Variants in ZNF83 observed in about 807,000 individuals in gnomAD.
ZNF83 encodes the protein zinc finger protein 816B.
For synonymous variants in ZNF83, 209 were observed against 213.0 expected (o/e 0.98, Z 0.17); for missense variants, 552 against 629.9 (o/e 0.88, Z 1.32).
intron 2 of ZNF83, among the ~76,000 whole-genome samples, chr19:52,627,544 C>A (rs1324527231): frequency 6.6e-6 from 1 of 152,094 alleles, no homozygotes; most frequent in Non-Finnish European, 1.5e-5. Context: ...CACCTGTAAT[C>A]CCAGCTACTG....
chr19:52,641,974 ATTCT>A (rs1355798153), upstream of ZNF83, among the ~76,000 whole-genome samples: 1 of 152,216 alleles, frequency 6.6e-6, no homozygotes, highest in East Asian at 1.9e-4. Flanking sequence ...AAATTATCAC[ATTCT>A]TTGAGTGACT....
intron 2 of ZNF83, among the ~76,000 whole-genome samples, chr19:52,627,556 G>A (rs2060790364): frequency 6.6e-6 from 1 of 152,102 alleles, no homozygotes; most frequent in African/African-American, 2.4e-5. Flanking sequence ...CAGCTACTGA[G>A]GCAGGAGAAT....
At chr19:52,625,759 A>C (rs1035523654) in intron 2 of ZNF83, among the ~76,000 whole-genome samples, 1 of 152,084 alleles carries the variant, frequency 6.6e-6, no homozygotes, top group Non-Finnish European at 1.5e-5. Flanking sequence ...CAGCCCCATA[A>C]ATAACAGTGA....
At chr19:52,639,051 C>T (rs1417166190), upstream of ZNF83, among the ~76,000 whole-genome samples, 1 of 152,160 alleles carries the variant, frequency 6.6e-6, no homozygotes, top group Non-Finnish European at 1.5e-5. Flanking sequence ...TTCTTTTCCA[C>T]GTGGATATCC....
At chr19:52,681,584 A>T (rs1229253109) in intron 1 of ZNF83, among the ~76,000 whole-genome samples, 2 of 152,200 alleles carry the variant, frequency 1.3e-5, no homozygotes, top group Non-Finnish European at 2.9e-5. Context: ...AAAGATCTGT[A>T]CTTGGAGACA....
intron 1 of ZNF83, among the ~76,000 whole-genome samples, chr19:52,681,279 T>TTAA: frequency 6.7e-5 from 1 of 15,024 alleles, no homozygotes; most frequent in Non-Finnish European, 1.5e-4. Flanking sequence ...TGAGACTTTC[T>TTAA]CAAAAAAAAA....
chr19:52,672,045 C>A (rs978454933), intron 1 of ZNF83, among the ~76,000 whole-genome samples: 2 of 152,060 alleles, frequency 1.3e-5, no homozygotes, highest in Non-Finnish European at 2.9e-5. Context: ...ACTAGCCTGG[C>A]TAACATGGTG....
intron 1 of ZNF83, among the ~76,000 whole-genome samples, chr19:52,673,263 T>C (rs988923364): frequency 4.6e-5 from 7 of 152,134 alleles, no homozygotes; most frequent in Non-Finnish European, 2.9e-5. Context: ...CCCAGCACTT[T>C]GGGAGCCAAG....
At chr19:52,669,054 A>G (rs1177745942) in intron 1 of ZNF83, among the ~76,000 whole-genome samples, 1 of 151,854 alleles carries the variant, frequency 6.6e-6, no homozygotes, top group African/African-American at 2.4e-5. Context: ...ATTTTTCAAA[A>G]GTTTACCAAT....
In ZNF83 at chr19:52,612,869, G is replaced by C. The variant is rs533924025; in HGVS notation, c.*145C>G. The C allele has an allele frequency of 5.0e-4, 320 of 641,794 alleles. 6 individuals are homozygous for C. In the South Asian group the frequency reaches 7.5e-3, roughly 15 times the overall value. 39.8% of individuals were successfully genotyped at this position (641,794 alleles called of 1,614,324 possible). A position where few individuals can be genotyped will look rare whatever the true frequency, so the allele number is the denominator to read the frequency against. Reference sequence around the variant, plus strand: ...CATTCAGTACATTAGTAAAGTTTCTGTCCTCTATGGTCTAGCTAACGGTTA... The same window carrying C: ...CATTCAGTACATTAGTAAAGTTTCTCTCCTCTATGGTCTAGCTAACGGTTA... On this transcript the variant is annotated 3_prime_UTR_variant, in exon 3 of 3. Transcript: ENST00000301096.
intron 2 of ZNF83, among the ~76,000 whole-genome samples, chr19:52,634,743 C>T (rs1374922422): frequency 1.3e-5 from 2 of 152,160 alleles, no homozygotes; most frequent in African/African-American, 4.8e-5. Context: ...AGAGAGTTGA[C>T]AGAGCATCCA....
At chr19:52,644,249 C>G (rs960156410) in intron 3 of ZNF83, among the ~76,000 whole-genome samples, 1 of 151,644 alleles carries the variant, frequency 6.6e-6, no homozygotes, top group Non-Finnish European at 1.5e-5. Flanking sequence ...ACAGTCCCCT[C>G]TCACAGAAAA....
chr19:52,678,144 T>C (rs917999225), intron 1 of ZNF83, among the ~76,000 whole-genome samples: 9 of 151,928 alleles, frequency 5.9e-5, no homozygotes, highest in Middle Eastern at 3.4e-3. Context: ...CTAACTAAAA[T>C]GGTTGCATAT....
At chr19:52,640,771 T>TAAAA (rs2061292414), upstream of ZNF83, among the ~76,000 whole-genome samples, 6 of 152,144 alleles carry the variant, frequency 3.9e-5, no homozygotes, top group African/African-American at 1.4e-4. Context: ...ACAAGGCGCT[T>TAAAA]TGCATTAAAA....
chr19:52,614,766 T>C, exon 3 of ZNF83: 5 of 1,289,490 alleles, frequency 3.9e-6, no homozygotes, highest in Non-Finnish European at 4.9e-6. Flanking sequence ...TTTTTGGTGG[T>C]AATTCCTTGA....
intron 1 of ZNF83, among the ~76,000 whole-genome samples, chr19:52,673,086 G>A (rs565116525): frequency 6.6e-6 from 1 of 152,276 alleles, no homozygotes; most frequent in East Asian, 1.9e-4. Flanking sequence ...ATGTGAGCCT[G>A]TAATCCCAGC....
chr19:52,685,627 T>C (rs1346832062), intron 1 of ZNF83, among the ~76,000 whole-genome samples: 3 of 152,080 alleles, frequency 2.0e-5, no homozygotes, highest in Non-Finnish European at 2.9e-5. Context: ...TCAGGCACGG[T>C]AGCTCTTGCC....
intron 1 of ZNF83, among the ~76,000 whole-genome samples, chr19:52,665,416 A>G (rs1179905246): frequency 6.6e-6 from 1 of 152,144 alleles, no homozygotes; most frequent in Non-Finnish European, 1.5e-5. Context: ...ATAAGAAAAA[A>G]AGTGATTAAA....
At chr19:52,689,953 G>C (rs2062120281) in intron 1 of ZNF83, among the ~76,000 whole-genome samples, 1 of 152,176 alleles carries the variant, frequency 6.6e-6, no homozygotes, top group Non-Finnish European at 1.5e-5. Flanking sequence ...GGGAGCAGCA[G>C]GGCCCGGCAC....
Sources: allele counts gnomAD v4.1 joint callset (sites outside exome capture counted in the v4.1 genomes callset), GRCh38; gene constraint gnomAD v4.1.1; transcripts MANE v1.5; gene names NCBI Gene and HGNC (gene_info 2026-07-23, HGNC 2026-07-21).